Variants in MLLT3 observed in about 807,000 individuals in gnomAD.
MLLT3 encodes the protein MLLT3 super elongation complex subunit, also known as protein AF-9.
In MLLT3, 4 loss-of-function variants were observed where a neutral mutation model predicts 53.2. The observed-to-expected ratio is 0.08, with a 90% CI of 0.04 to 0.17. MLLT3 has a LOEUF of 0.17. Among genes scored for constraint, MLLT3 ranks in the 10% least tolerant of loss-of-function variants. The probability of loss-of-function intolerance (pLI) is 1.00; values close to 1 mark genes in which losing one functional copy is unlikely to be tolerated. For missense variants in MLLT3, 569 were observed against 684.0 expected (o/e 0.83, Z 1.87); for synonymous variants, 283 against 230.6 (o/e 1.23, Z -2.06).
At chr9:20,507,085 C>T (rs917527355) in intron 2 of MLLT3, among the ~76,000 whole-genome samples, 1 of 152,084 alleles carries the variant, frequency 6.6e-6, no homozygotes, top group Non-Finnish European at 1.5e-5. Context: ...TGGCTTAATG[C>T]GAAAGTGAGT....
chr9:20,620,915 T>A lies in MLLT3; in HGVS notation c.13-81A>T. ...AGTGAACGTTGCGCCTGACATTTTT[T>A]TCCTCCTTCTTGAAACGCACATAAA... is the stretch of plus-strand genomic sequence containing the variant. On this transcript the variant is annotated intron_variant, in intron 1 of 10. Transcript: ENST00000380338. The surrounding 1 kb of genome is among the most constrained non-coding windows in gnomAD (Gnocchi z 6.1). 1 of 1,486,878 alleles carries A rather than the reference T, an allele frequency of 6.7e-7. No homozygotes were observed. Among genetic ancestry groups the A allele is most frequent in the Non-Finnish European group, 9.3e-7 (1 of 1,073,402 alleles). The allele number at this position is 1,486,878 out of a possible 1,614,324, so 92.1% of individuals were successfully genotyped here. A position where few individuals can be genotyped will look rare whatever the true frequency, so the allele number is the denominator to read the frequency against.
At chr9:20,566,482 G>A (rs1819381136) in intron 2 of MLLT3, among the ~76,000 whole-genome samples, 1 of 151,962 alleles carries the variant, frequency 6.6e-6, no homozygotes, top group African/African-American at 2.4e-5. Context: ...TCCAATCCCT[G>A]CTAACCATTT....
intron 2 of MLLT3, among the ~76,000 whole-genome samples, chr9:20,596,625 A>G (rs1027299375): frequency 5.9e-5 from 9 of 152,174 alleles, no homozygotes; most frequent in African/African-American, 2.2e-4. Flanking sequence ...CAGGAGCTGG[A>G]GGTTGCAATG....
intron 2 of MLLT3, among the ~76,000 whole-genome samples, chr9:20,603,827 C>G (rs1017534056): frequency 1.3e-5 from 2 of 151,946 alleles, no homozygotes; most frequent in Non-Finnish European, 2.9e-5. Context: ...TAATGAAAAG[C>G]CCACTAAAAT....
intron 2 of MLLT3, among the ~76,000 whole-genome samples, chr9:20,547,960 A>T (rs1818834119): frequency 6.6e-6 from 1 of 152,168 alleles, no homozygotes. Context: ...TCAAAAATAA[A>T]ACAAAATAAA....
At chr9:20,431,799 C>A (rs1036871697) in intron 4 of MLLT3, among the ~76,000 whole-genome samples, 2 of 152,042 alleles carry the variant, frequency 1.3e-5, no homozygotes, top group Admixed American at 6.6e-5. Flanking sequence ...GGACTATGCA[C>A]AGCAGTGAAA....
intron 5 of MLLT3, among the ~76,000 whole-genome samples, chr9:20,382,171 C>G (rs1821924038): frequency 6.6e-6 from 1 of 151,768 alleles, no homozygotes; most frequent in Non-Finnish European, 1.5e-5. Context: ...CATTAATCAT[C>G]TAAAATTGTA....
chr9:20,612,625 ATCTTT>A lies in MLLT3; in HGVS notation c.193+8024_193+8028del, dbSNP rs555577914. Among the ~76,000 whole-genome samples the A allele has an allele frequency of 7.6e-4, 115 of 152,276 alleles. 1 individual carries two copies. The South Asian group carries it at 0.021, about 28-fold the overall frequency. On this transcript the variant is annotated intron_variant, in intron 2 of 10. Coordinates refer to ENST00000380338, the MANE Select transcript of MLLT3 (RefSeq NM_004529.4). Reference sequence around the variant, plus strand: ...AAACAAGAAAATGACAAGCAACCCAATCTTTTCTTTTAAGAAAAAGGATATAAAAA... The same window carrying A: ...AAACAAGAAAATGACAAGCAACCCAATCTTTTAAGAAAAAGGATATAAAAA...
Position 20,342,671 on chromosome 9 carries a change from T to C in MLLT3, c.*3772A>G, listed in dbSNP as rs577427841. 7.9e-5 allele frequency: 17 copies of C among 214,086 alleles called. No individual in the cohort carries two copies. The highest frequency in any genetic ancestry group is 1.3e-4 in the Non-Finnish European group (14 of 106,254). 13.3% of individuals were successfully genotyped at this position (214,086 alleles called of 1,614,324 possible). Reference sequence around the variant, plus strand: ...AGTGCCTACATAATAAAAAGCATCATATAAAACAAAAGAGGTCAAAAGATG... The same window carrying C: ...AGTGCCTACATAATAAAAAGCATCACATAAAACAAAAGAGGTCAAAAGATG... On this transcript the variant is annotated 3_prime_UTR_variant, in exon 11 of 11. Transcript: ENST00000380338.
At chr9:20,356,625 A>G (rs1821177667) in intron 8 of MLLT3, among the ~76,000 whole-genome samples, 1 of 152,120 alleles carries the variant, frequency 6.6e-6, no homozygotes, top group Non-Finnish European at 1.5e-5. Flanking sequence ...TTTTGTTCCC[A>G]TCATATCCCG....
At chr9:20,360,483 T>C (rs1194212600) in intron 8 of MLLT3, among the ~76,000 whole-genome samples, 2 of 152,228 alleles carry the variant, frequency 1.3e-5, no homozygotes, top group Admixed American at 1.3e-4. Context: ...AAATGGTAAA[T>C]GGGCAATACT....
chr9:20,511,723 A>G (rs148738576), intron 2 of MLLT3, among the ~76,000 whole-genome samples: 1 of 152,270 alleles, frequency 6.6e-6, no homozygotes, highest in African/African-American at 2.4e-5. Flanking sequence ...ACAGATACAC[A>G]GACATCACAG....
intron 2 of MLLT3, among the ~76,000 whole-genome samples, chr9:20,617,565 A>T (rs1195517030): frequency 6.6e-6 from 1 of 152,200 alleles, no homozygotes; most frequent in Non-Finnish European, 1.5e-5. Context: ...AAACATTAAT[A>T]TTTTAAAAGA....
At position 20,443,387 on chromosome 9, in the gene MLLT3, C is replaced by G. The variant is rs570541158; in HGVS notation, c.420+4736G>C. On this transcript the variant is annotated intron_variant, in intron 4 of 10. Transcript: ENST00000380338. ...TAAGGAAACACACAGCCTTGAGAAG[C>G]CTTTAATCCGCTAAAAATTCAGAAT... 1.7e-4 allele frequency among the ~76,000 whole-genome samples: 26 copies of G among 152,214 alleles called. No homozygotes were observed. The South Asian group carries it at 3.1e-3, about 18-fold the overall frequency.
At chr9:20,365,803 G>A (rs1821436375) in intron 5 of MLLT3, 59 bp from the exon 6 acceptor site, 1 of 1,556,304 alleles carries the variant, frequency 6.4e-7, no homozygotes, top group Non-Finnish European at 8.8e-7. Flanking sequence ...CACATCTAAA[G>A]TTGAAAACAG....
chr9:20,421,888 G>T (rs1291960149), intron 4 of MLLT3, among the ~76,000 whole-genome samples: 2 of 151,518 alleles, frequency 1.3e-5, no homozygotes, highest in African/African-American at 4.8e-5. Context: ...AAAATGGACT[G>T]CTGATGCTTT....
intron 2 of MLLT3, among the ~76,000 whole-genome samples, chr9:20,477,004 A>C (rs933278148): frequency 3.3e-5 from 5 of 152,148 alleles, no homozygotes; most frequent in African/African-American, 1.2e-4. Context: ...AACATGCTAT[A>C]AATAGTTTGA....
intron 5 of MLLT3, among the ~76,000 whole-genome samples, chr9:20,378,743 T>G (rs1337061187): frequency 1.3e-5 from 2 of 152,082 alleles, no homozygotes; most frequent in African/African-American, 4.8e-5. Context: ...AATAAAAAGT[T>G]TGTAAAAATA....
chr9:20,424,469 G>A (rs1026514701), intron 4 of MLLT3, among the ~76,000 whole-genome samples: 1 of 152,114 alleles, frequency 6.6e-6, no homozygotes, highest in Non-Finnish European at 1.5e-5. Flanking sequence ...AAAATTTATA[G>A]TGCTCAAATC....
Sources: gnomAD v4.1 joint callset for allele counts (sites outside exome capture counted in the v4.1 genomes callset) on GRCh38, gnomAD v4.1.1 for gene constraint, Gnocchi (gnomAD v3.1) non-coding constraint, MANE v1.5 for transcripts, NCBI Gene and HGNC (gene_info 2026-07-23, HGNC 2026-07-21) for gene names.